Variants in TMEM132D observed in about 807,000 individuals in gnomAD.
TMEM132D encodes transmembrane protein 132D.
In TMEM132D, 21 loss-of-function variants were observed where a neutral mutation model predicts 62.3. The ratio of observed to expected loss-of-function variants is 0.34; its 90% CI spans 0.24 to 0.49. TMEM132D has a LOEUF of 0.49. TMEM132D is among the 20% of genes least tolerant of loss of function. TMEM132D has a pLI of 0.99. For missense variants in TMEM132D, 1,346 were observed against 1,402.8 expected, an observed-to-expected ratio of 0.96 and a Z score of 0.65; for synonymous variants, 621 against 575.6, an observed-to-expected ratio of 1.08 and a Z score of -1.13.
chr12:129,415,585 G>A (rs1872093618), intron 3 of TMEM132D, among the ~76,000 whole-genome samples: 1 of 152,212 alleles, frequency 6.6e-6, no homozygotes, highest in Admixed American at 6.5e-5. Flanking sequence ...GATGCCTGCT[G>A]TGATCAGGCC....
intron 4 of TMEM132D, among the ~76,000 whole-genome samples, chr12:129,309,924 AC>A (rs1881932744): frequency 6.6e-6 from 1 of 152,182 alleles, no homozygotes; most frequent in Non-Finnish European, 1.5e-5. Flanking sequence ...TCCACAAGAC[AC>A]CCGACTGAGC....
chr12:129,514,129 G>A (rs555108655), intron 3 of TMEM132D, among the ~76,000 whole-genome samples: 28 of 152,144 alleles, frequency 1.8e-4, no homozygotes, highest in Non-Finnish European at 2.6e-4. Context: ...GTGAGCCACC[G>A]AGCCCGGCCA....
intron 1 of TMEM132D, among the ~76,000 whole-genome samples, chr12:129,825,666 C>T (rs1264556232): frequency 6.6e-6 from 1 of 152,136 alleles, no homozygotes; most frequent in African/African-American, 2.4e-5. Context: ...CAGACAATTA[C>T]CCAGGAGGGG....
chr12:129,819,949 C>A (rs1184390991), intron 1 of TMEM132D, among the ~76,000 whole-genome samples: 3 of 152,120 alleles, frequency 2.0e-5, no homozygotes, highest in African/African-American at 7.2e-5. Context: ...CAAGACCGCA[C>A]GTGCACCGTG....
chr12:129,164,630 T>C (rs1431004014), intron 5 of TMEM132D, among the ~76,000 whole-genome samples: 1 of 152,066 alleles, frequency 6.6e-6, no homozygotes, highest in African/African-American at 2.4e-5. Context: ...TGGCGGAAGG[T>C]GAAGGGGAAG....
In TMEM132D at chr12:129,448,589, C is replaced by T. The variant is rs140886500; in HGVS notation, c.1115+82470G>A. The stretch of plus-strand genomic sequence containing the variant: ...TTTTCAAAGCTGCATGGTATTTTAT[C>T]GCATATACATGCCACATTTTCTTTA... On this transcript the variant is annotated intron_variant, in intron 3 of 8. Transcript: ENST00000422113. Among the ~76,000 whole-genome samples the T allele has an allele frequency of 2.9e-3, 443 of 152,242 alleles. 2 individuals carry two copies. The highest frequency in any genetic ancestry group is 9.9e-3 in the African/African-American group (411 of 41,550).
chr12:129,090,732 A>C (rs1337693888), intron 5 of TMEM132D, among the ~76,000 whole-genome samples: 2 of 152,212 alleles, frequency 1.3e-5, no homozygotes, highest in African/African-American at 2.4e-5. Flanking sequence ...GCCAACATTC[A>C]AAACTTTGAT....
At chr12:129,419,546 T>A (rs1872235153) in intron 3 of TMEM132D, among the ~76,000 whole-genome samples, 10 of 152,134 alleles carry the variant, frequency 6.6e-5, no homozygotes, top group Admixed American at 6.5e-4. Flanking sequence ...CTGTTCCTGA[T>A]AACATCCTTT....
chr12:129,426,570 A>G (rs1872503989), intron 3 of TMEM132D, among the ~76,000 whole-genome samples: 1 of 152,200 alleles, frequency 6.6e-6, no homozygotes, highest in African/African-American at 2.4e-5. Context: ...CACTGTGCCA[A>G]GAGGCTGAGC....
chr12:129,374,282 A>AGG (rs1358301189), intron 3 of TMEM132D, among the ~76,000 whole-genome samples: 70 of 151,852 alleles, frequency 4.6e-4, no homozygotes, highest in Middle Eastern at 6.8e-3. Context: ...AGAGAGAGAG[A>AGG]GAGAGAGAGA....
intron 4 of TMEM132D, among the ~76,000 whole-genome samples, chr12:129,269,713 T>C (rs1478092897): frequency 1.3e-5 from 2 of 152,180 alleles, no homozygotes; most frequent in Admixed American, 6.5e-5. Flanking sequence ...TTCTAGGGTC[T>C]GCTTTGTTCC....
At chr12:129,208,573 G>A (rs1008062734) in intron 5 of TMEM132D, 3 of 152,248 alleles carry the variant, frequency 2.0e-5, no homozygotes, top group Admixed American at 2.0e-4. Context: ...CTCCCTGAAG[G>A]TTTGCTTCAG....
chr12:129,090,775 C>T (rs1170575722), intron 5 of TMEM132D, among the ~76,000 whole-genome samples: 2 of 152,188 alleles, frequency 1.3e-5, no homozygotes, highest in African/African-American at 2.4e-5. Context: ...TTTCTAGCAT[C>T]GCTTGAGAAT....
chr12:129,319,024 T>C (rs1459264789), intron 4 of TMEM132D, among the ~76,000 whole-genome samples: 1 of 152,166 alleles, frequency 6.6e-6, no homozygotes. Flanking sequence ...CTTGAAAACT[T>C]GCCCTGGGCT....
At chr12:129,598,586 A>G (rs1289821165) in intron 2 of TMEM132D, among the ~76,000 whole-genome samples, 3 of 152,210 alleles carry the variant, frequency 2.0e-5, no homozygotes, top group African/African-American at 7.2e-5. Context: ...AATAAAAGCC[A>G]AAGAAACACT....
At chr12:129,091,116 G>A (rs1266391020) in intron 5 of TMEM132D, among the ~76,000 whole-genome samples, 1 of 152,204 alleles carries the variant, frequency 6.6e-6, no homozygotes, top group Admixed American at 6.5e-5. Flanking sequence ...AACTGAAGAT[G>A]CCATTATGAT....
chr12:129,244,123 C>T (rs1485170190), intron 4 of TMEM132D, among the ~76,000 whole-genome samples: 3 of 152,232 alleles, frequency 2.0e-5, no homozygotes, highest in Non-Finnish European at 2.9e-5. Context: ...CGGTGGCTGA[C>T]GCCTGTAATC....
intron 2 of TMEM132D, among the ~76,000 whole-genome samples, chr12:129,605,061 A>C (rs1234277536): frequency 6.6e-6 from 1 of 152,168 alleles, no homozygotes; most frequent in Non-Finnish European, 1.5e-5. Flanking sequence ...TAAGTCACTT[A>C]CCCTTAAAAA....
At chr12:129,366,010 C>G (rs754033813) in intron 3 of TMEM132D, among the ~76,000 whole-genome samples, 22 of 151,910 alleles carry the variant, frequency 1.4e-4, no homozygotes, top group Non-Finnish European at 2.8e-4. Flanking sequence ...ACTTTAGTCA[C>G]TCAGGGCTTG....
Sources: allele counts gnomAD v4.1 joint callset (sites outside exome capture counted in the v4.1 genomes callset), GRCh38; gene constraint gnomAD v4.1.1; transcripts MANE v1.5; gene names NCBI Gene and HGNC (gene_info 2026-07-23, HGNC 2026-07-21).